Variants in MTHFD1L observed in about 807,000 individuals in gnomAD.
MTHFD1L encodes the protein methylenetetrahydrofolate dehydrogenase (NADP+ dependent) 1 like, also known as monofunctional C1-tetrahydrofolate synthase, mitochondrial.
Under a neutral mutation model 119.5 loss-of-function variants are expected in MTHFD1L, and 81 were observed. The ratio of observed to expected loss-of-function variants is 0.68; its 90% CI spans 0.57 to 0.82. MTHFD1L has a LOEUF of 0.82. Ranked by LOEUF, MTHFD1L falls within the 40% of genes least tolerant of loss-of-function variation. The probability of loss-of-function intolerance (pLI) is 0.00; values close to 1 mark genes in which losing one functional copy is unlikely to be tolerated. For synonymous variants in MTHFD1L, 430 were observed against 475.2 expected, an observed-to-expected ratio of 0.90 and a Z score of 1.24; for missense variants, 1,125 against 1,253.4, an observed-to-expected ratio of 0.90 and a Z score of 1.55.
At chr6:150,929,319 G>C (rs965653467) in intron 11 of MTHFD1L, among the ~76,000 whole-genome samples, 6 of 152,148 alleles carry the variant, frequency 3.9e-5, no homozygotes, top group East Asian at 1.9e-4. Flanking sequence ...TTGGTAGGTG[G>C]GTTTGCAGGC....
intron 26 of MTHFD1L, among the ~76,000 whole-genome samples, chr6:151,071,419 C>A (rs186370381): frequency 3.9e-5 from 6 of 152,066 alleles, no homozygotes; most frequent in Non-Finnish European, 8.8e-5. Flanking sequence ...ATGGGCTGAT[C>A]GTACTGCTCT....
intron 24 of MTHFD1L, among the ~76,000 whole-genome samples, chr6:151,023,261 G>C (rs1344053557): frequency 1.3e-5 from 2 of 152,002 alleles, no homozygotes; most frequent in Non-Finnish European, 2.9e-5. Flanking sequence ...TGGCTGGGCT[G>C]GTCTCGAACT....
chr6:150,947,416 T>A (rs1471003526), intron 15 of MTHFD1L, among the ~76,000 whole-genome samples: 1 of 151,632 alleles, frequency 6.6e-6, no homozygotes, highest in Non-Finnish European at 1.5e-5. Flanking sequence ...TCTTAAGATG[T>A]TTTATTTACA....
At chr6:150,990,609 G>T (rs1318396429) in intron 20 of MTHFD1L, among the ~76,000 whole-genome samples, 2 of 151,412 alleles carry the variant, frequency 1.3e-5, no homozygotes, top group Non-Finnish European at 2.9e-5. Flanking sequence ...ACAGGCATGC[G>T]CCACCATGCC....
intron 24 of MTHFD1L, among the ~76,000 whole-genome samples, chr6:151,025,102 C>T (rs1370831808): frequency 3.9e-5 from 6 of 152,194 alleles, no homozygotes; most frequent in African/African-American, 1.4e-4. Context: ...GCTTTTCTAG[C>T]GGCGAGCCTT....
At chr6:150,951,346 G>A (rs1794854065) in intron 16 of MTHFD1L, among the ~76,000 whole-genome samples, 1 of 151,984 alleles carries the variant, frequency 6.6e-6, no homozygotes. Context: ...AACTTTCAAG[G>A]ATACATTTTT....
intron 19 of MTHFD1L, among the ~76,000 whole-genome samples, chr6:150,970,489 C>T (rs1385943297): frequency 1.3e-5 from 2 of 152,236 alleles, no homozygotes; most frequent in Non-Finnish European, 2.9e-5. Context: ...ATTTTAGCCA[C>T]ATTTCCATTT....
intron 13 of MTHFD1L, among the ~76,000 whole-genome samples, chr6:150,943,968 T>A (rs1030583153): frequency 6.6e-6 from 1 of 152,214 alleles, no homozygotes; most frequent in African/African-American, 2.4e-5. Context: ...ATAAACGTAG[T>A]GAGTGACTAT....
chr6:150,880,463 C>A (rs2128752025), intron 4 of MTHFD1L, among the ~76,000 whole-genome samples: 1 of 152,338 alleles, frequency 6.6e-6, no homozygotes, highest in Non-Finnish European at 1.5e-5. Context: ...TTGAATGATA[C>A]TCCATTGTGT....
At chr6:150,930,138 G>A (rs546829146) in intron 11 of MTHFD1L, among the ~76,000 whole-genome samples, 1 of 149,972 alleles carries the variant, frequency 6.7e-6, no homozygotes, top group Non-Finnish European at 1.5e-5. Context: ...GGCATGACGG[G>A]TTGTGCCTAT....
intron 10 of MTHFD1L, among the ~76,000 whole-genome samples, chr6:150,923,509 C>CTTTATTTGTTTATTTA (rs1789369353): frequency 8.5e-6 from 1 of 118,044 alleles, no homozygotes; most frequent in Non-Finnish European, 1.7e-5. Context: ...GTAACTGACA[C>CTTTATTTGTTTATTTA]TTTATTTATT....
At chr6:150,982,911 G>C (rs1384022381) in intron 20 of MTHFD1L, among the ~76,000 whole-genome samples, 7 of 152,224 alleles carry the variant, frequency 4.6e-5, no homozygotes, top group Admixed American at 4.6e-4. Context: ...AGTTGACCAG[G>C]TTGGTTTCAA....
At chr6:151,087,526 G>T (rs1219268786) in intron 26 of MTHFD1L, among the ~76,000 whole-genome samples, 2 of 152,110 alleles carry the variant, frequency 1.3e-5, no homozygotes, top group Middle Eastern at 3.4e-3. Flanking sequence ...TGTTGGAAAA[G>T]GTAGTAGATT....
At chr6:150,946,355 G>A (rs1793938808) in intron 15 of MTHFD1L, among the ~76,000 whole-genome samples, 1 of 152,198 alleles carries the variant, frequency 6.6e-6, no homozygotes, top group Non-Finnish European at 1.5e-5. Context: ...TCACCATGTT[G>A]GCCAGGCTGG....
chr6:151,023,733 G>A (rs1447708504), intron 24 of MTHFD1L, among the ~76,000 whole-genome samples: 4 of 152,182 alleles, frequency 2.6e-5, no homozygotes, highest in East Asian at 1.9e-4. Context: ...CATGCAAAAT[G>A]ATTGTCACTA....
At chr6:151,077,884 T>C (rs1036479179) in intron 26 of MTHFD1L, among the ~76,000 whole-genome samples, 6 of 151,308 alleles carry the variant, frequency 4.0e-5, no homozygotes, top group Non-Finnish European at 7.4e-5. Context: ...ACCCTGTCTC[T>C]ACTAAAAATA....
intron 13 of MTHFD1L, among the ~76,000 whole-genome samples, chr6:150,942,745 CAT>C (rs1793341135): frequency 6.6e-6 from 1 of 151,552 alleles, no homozygotes; most frequent in Non-Finnish European, 1.5e-5. Context: ...AATATATATA[CAT>C]ATGTAATTTT....
rs1285582418 is a variant in MTHFD1L at position 151,092,562 on chromosome 6, C to G, written c.*6C>G. 3.1e-6 allele frequency: 5 copies of G among 1,611,924 alleles called. No homozygotes were observed. The East Asian group carries it at 1.1e-4, about 36-fold the overall frequency. On this transcript the variant is annotated 3_prime_UTR_variant, in exon 27 of 28. Coordinates refer to ENST00000367321, the MANE Select transcript of MTHFD1L (RefSeq NM_015440.5). ...AAGTTAAAGGCTTGTTCTAAGTGGA[C>G]AAGGCTCTCACAGGACCCGATGCAG...
intron 26 of MTHFD1L, among the ~76,000 whole-genome samples, chr6:151,090,102 A>G (rs971684350): frequency 6.6e-6 from 1 of 152,174 alleles, no homozygotes; most frequent in Non-Finnish European, 1.5e-5. Context: ...GCCATCATCC[A>G]TCACAATGTT....
Sources: allele counts gnomAD v4.1 joint callset (sites outside exome capture counted in the v4.1 genomes callset), GRCh38; gene constraint gnomAD v4.1.1; transcripts MANE v1.5; gene names NCBI Gene and HGNC (gene_info 2026-07-23, HGNC 2026-07-21).